Variants in RAB3C observed in about 807,000 individuals in gnomAD.
RAB3C encodes the protein RAB3C, member RAS oncogene family, also known as ras-related protein Rab-3C.
RAB3C carries 17 observed loss-of-function variants against 26.4 expected under a neutral mutation model. The ratio of observed to expected loss-of-function variants is 0.64; its 90% CI spans 0.44 to 0.97. RAB3C has a LOEUF of 0.97. Among genes scored for constraint, RAB3C ranks in the 50% least tolerant of loss-of-function variants. The pLI, the probability that RAB3C is intolerant of heterozygous loss-of-function variation, is 0.00. For synonymous variants in RAB3C, 91 were observed against 95.9 expected, an observed-to-expected ratio of 0.95 and a Z score of 0.30; for missense variants, 242 against 281.9, an observed-to-expected ratio of 0.86 and a Z score of 1.01.
chr5:58,586,877 C>T (rs1218967097), intron 1 of RAB3C, among the ~76,000 whole-genome samples: 1 of 152,086 alleles, frequency 6.6e-6, no homozygotes, highest in African/African-American at 2.4e-5. Context: ...GAATTAAAGT[C>T]TAAATATCAC....
intron 3 of RAB3C, among the ~76,000 whole-genome samples, chr5:58,732,754 G>A (rs1421926659): frequency 6.6e-6 from 1 of 152,138 alleles, no homozygotes; most frequent in Non-Finnish European, 1.5e-5. Context: ...TGCTCTCTGA[G>A]GAAGACCTCA....
At chr5:58,733,896 G>C (rs545774545) in intron 3 of RAB3C, among the ~76,000 whole-genome samples, 1 of 152,326 alleles carries the variant, frequency 6.6e-6, no homozygotes, top group South Asian at 2.1e-4. Context: ...ACATCTTTCT[G>C]TTCTAAGTAT....
At chr5:58,622,020 C>G (rs72760264) in intron 2 of RAB3C, among the ~76,000 whole-genome samples, 43,017 of 152,094 alleles carry the variant, frequency 0.28, 7,123 homozygotes, top group African/African-American at 0.45. Flanking sequence ...TTGCAACAGT[C>G]TACATTCAAA....
chr5:58,637,087 A>G (rs933920930), intron 2 of RAB3C, among the ~76,000 whole-genome samples: 1 of 128,482 alleles, frequency 7.8e-6, no homozygotes, highest in Non-Finnish European at 1.6e-5. Context: ...TTTTTTTTTT[A>G]TTTCAAAGAA....
intron 3 of RAB3C, among the ~76,000 whole-genome samples, chr5:58,752,877 A>T (rs538520599): frequency 6.6e-6 from 1 of 152,014 alleles, no homozygotes; most frequent in Non-Finnish European, 1.5e-5. Context: ...CCCAATCTCA[A>T]AATAGTTATT....
intron 4 of RAB3C, among the ~76,000 whole-genome samples, chr5:58,827,410 G>T (rs968879253): frequency 1.3e-5 from 2 of 152,150 alleles, no homozygotes; most frequent in African/African-American, 4.8e-5. Context: ...GCCAAGAATT[G>T]TTTAATGTCA....
chr5:58,762,669 C>T (rs936277901), intron 3 of RAB3C, among the ~76,000 whole-genome samples: 27 of 152,146 alleles, frequency 1.8e-4, no homozygotes, highest in African/African-American at 4.8e-4. Flanking sequence ...CCAGCCTGGG[C>T]GACAAGAGTG....
chr5:58,584,361 A>T (rs972998907), intron 1 of RAB3C, among the ~76,000 whole-genome samples: 2 of 152,182 alleles, frequency 1.3e-5, no homozygotes, highest in African/African-American at 4.8e-5. Context: ...TTGTTGGGTG[A>T]TTATATAAGG....
intron 3 of RAB3C, among the ~76,000 whole-genome samples, chr5:58,819,908 G>A (rs1743301599): frequency 6.6e-6 from 1 of 152,086 alleles, no homozygotes; most frequent in Non-Finnish European, 1.5e-5. Flanking sequence ...TTCATCAATG[G>A]CTTCTTATGA....
intron 3 of RAB3C, among the ~76,000 whole-genome samples, chr5:58,818,151 G>A (rs1469787380): frequency 2.6e-5 from 4 of 152,164 alleles, no homozygotes; most frequent in Non-Finnish European, 4.4e-5. Flanking sequence ...TCAGAACATT[G>A]TGATTAAGCA....
At chr5:58,801,892 A>C (rs908187089) in intron 3 of RAB3C, among the ~76,000 whole-genome samples, 1 of 152,256 alleles carries the variant, frequency 6.6e-6, no homozygotes, top group Admixed American at 6.5e-5. Context: ...CTCCTTTAGC[A>C]ACTGCTACTG....
intron 2 of RAB3C, among the ~76,000 whole-genome samples, chr5:58,707,555 A>C (rs1480145804): frequency 2.6e-5 from 4 of 152,134 alleles, no homozygotes; most frequent in Non-Finnish European, 5.9e-5. Context: ...TTTGCCCAAC[A>C]TCACACAGCC....
At chr5:58,716,319 GA>G (rs1341148322) in intron 2 of RAB3C, among the ~76,000 whole-genome samples, 1 of 152,042 alleles carries the variant, frequency 6.6e-6, no homozygotes, top group Non-Finnish European at 1.5e-5. Flanking sequence ...GCACATACAT[GA>G]ACAAAGGTTC....
chr5:58,631,416 A>G (rs1451287202), intron 2 of RAB3C, among the ~76,000 whole-genome samples: 3 of 152,232 alleles, frequency 2.0e-5, no homozygotes, highest in East Asian at 3.8e-4. Context: ...CAGAAGCTAA[A>G]TGTTCAATTA....
chr5:58,585,443 C>T (rs990053653), intron 1 of RAB3C, among the ~76,000 whole-genome samples: 3 of 151,388 alleles, frequency 2.0e-5, no homozygotes, highest in Non-Finnish European at 4.4e-5. Flanking sequence ...AAATATATGC[C>T]CCAAATATTT....
At chr5:58,765,006 T>C (rs1386513370) in intron 3 of RAB3C, among the ~76,000 whole-genome samples, 1 of 152,198 alleles carries the variant, frequency 6.6e-6, no homozygotes, top group Non-Finnish European at 1.5e-5. Context: ...AAAAGACTGA[T>C]GTATTTGTGA....
intron 3 of RAB3C, among the ~76,000 whole-genome samples, chr5:58,806,206 G>C (rs1742935459): frequency 1.3e-5 from 2 of 152,096 alleles, no homozygotes; most frequent in Non-Finnish European, 2.9e-5. Flanking sequence ...TAAACTTTTT[G>C]TTCCTTATTT....
intron 2 of RAB3C, among the ~76,000 whole-genome samples, chr5:58,652,640 G>A (rs1211646296): frequency 6.6e-6 from 1 of 151,090 alleles, no homozygotes; most frequent in Non-Finnish European, 1.5e-5. Flanking sequence ...TCTGGTACTG[G>A]TACATACACA....
intron 3 of RAB3C, among the ~76,000 whole-genome samples, chr5:58,776,173 T>C (rs1742136667): frequency 6.6e-6 from 1 of 152,124 alleles, no homozygotes; most frequent in African/African-American, 2.4e-5. Flanking sequence ...TTCAAATCCC[T>C]GCTGACTTGC....
Sources: allele counts gnomAD v4.1 joint callset (sites outside exome capture counted in the v4.1 genomes callset), GRCh38; gene constraint gnomAD v4.1.1; transcripts MANE v1.5; gene names NCBI Gene and HGNC (gene_info 2026-07-23, HGNC 2026-07-21).